Variants in RTEL1 observed in about 807,000 individuals in gnomAD.
The protein encoded by RTEL1 is regulator of telomere length.
A neutral mutation model predicts 162.2 loss-of-function variants in RTEL1; 86 were observed. The observed-to-expected ratio is 0.53, with a 90% CI of 0.45 to 0.63. The LOEUF is 0.63. Among genes scored for constraint, RTEL1 ranks in the 30% least tolerant of loss-of-function variants. The pLI, the probability that RTEL1 is intolerant of heterozygous loss-of-function variation, is 0.00. For missense variants in RTEL1, 1,941 were observed against 1,750.2 expected, an observed-to-expected ratio of 1.11 and a Z score of -1.95; for synonymous variants, 958 against 717.9, an observed-to-expected ratio of 1.33 and a Z score of -5.35.
At chr20:63,686,042 T>C (rs977253296) in intron 16 of RTEL1, 170 bp downstream of exon 16, 6 of 660,078 alleles carry the variant, frequency 9.1e-6, no homozygotes, top group African/African-American at 1.8e-5. Context: ...CCTCTGAAGA[T>C]TGGAGTTACT....
intron 16 of RTEL1, 68 bp downstream of exon 16, chr20:63,685,940 C>T: frequency 6.9e-7 from 1 of 1,459,800 alleles, no homozygotes; most frequent in Non-Finnish European, 9.5e-7. Flanking sequence ...ATGCCACAGG[C>T]TAGGCACATG....
At chr20:63,670,669 G>A (rs531205956) in intron 8 of RTEL1, among the ~76,000 whole-genome samples, 73 of 152,312 alleles carry the variant, frequency 4.8e-4, no homozygotes, top group Non-Finnish European at 9.0e-4. Flanking sequence ...GCCGAGCCGG[G>A]AGAAGGGAAG....
intron 7 of RTEL1, among the ~76,000 whole-genome samples, chr20:63,666,611 CT>C (rs1307337446): frequency 1.3e-5 from 2 of 152,190 alleles, no homozygotes; most frequent in Non-Finnish European, 2.9e-5. Context: ...TCTTGGCTCA[CT>C]GCAGCCTCAG....
At chr20:63,660,563 T>A (rs1601080966) in intron 2 of RTEL1, 5 of 152,548 alleles carry the variant, frequency 3.3e-5, no homozygotes, top group South Asian at 4.1e-4. Flanking sequence ...AGTTACAGAT[T>A]AACAGCATCT....
intron 8 of RTEL1, among the ~76,000 whole-genome samples, chr20:63,669,688 G>A (rs1302896318): frequency 4.0e-5 from 6 of 149,680 alleles, no homozygotes; most frequent in South Asian, 2.1e-4. Flanking sequence ...GAGAGCATCC[G>A]GACAGACGTT....
At chr20:63,662,953 C>A (rs2090050805) in intron 6 of RTEL1, 64 bp downstream of exon 6, 1 of 1,495,538 alleles carries the variant, frequency 6.7e-7, no homozygotes, top group African/African-American at 1.4e-5. Flanking sequence ...GGGTGGAGCT[C>A]AGTGGTGTCA....
intron 6 of RTEL1, among the ~76,000 whole-genome samples, chr20:63,665,681 G>A (rs1452450417): frequency 6.6e-6 from 1 of 152,146 alleles, no homozygotes; most frequent in African/African-American, 2.4e-5. Context: ...GAGGAGGGCT[G>A]AGTGTAGCCG....
chr20:63,693,490 C>G (rs1204835203), intron 30 of RTEL1, among the ~76,000 whole-genome samples: 4 of 101,032 alleles, frequency 4.0e-5, no homozygotes, highest in South Asian at 7.7e-4. Flanking sequence ...TCCACCACCA[C>G]CTCCACCTCC....
Sources: gnomAD v4.1 joint callset for allele counts (sites outside exome capture counted in the v4.1 genomes callset) on GRCh38, gnomAD v4.1.1 for gene constraint, MANE v1.5 for transcripts, NCBI Gene and HGNC (gene_info 2026-07-23, HGNC 2026-07-21) for gene names.